The following CACNA2D3 variants were observed in gnomAD, a reference collection of about 807,000 sequenced individuals.
The protein encoded by CACNA2D3 is calcium voltage-gated channel auxiliary subunit alpha2delta 3, also known as voltage-dependent calcium channel subunit alpha-2/delta-3.
CACNA2D3 carries 60 observed loss-of-function variants against 160.6 expected under a neutral mutation model. That is an observed-to-expected ratio of 0.37 (90% CI 0.30 to 0.46). The LOEUF (loss-of-function observed/expected upper bound fraction) is 0.46. Among genes scored for constraint, CACNA2D3 ranks in the 20% least tolerant of loss-of-function variants. The pLI, the probability that CACNA2D3 is intolerant of heterozygous loss-of-function variation, is 1.00. For missense variants in CACNA2D3, 1,205 were observed against 1,365.0 expected, an observed-to-expected ratio of 0.88 and a Z score of 1.85; for synonymous variants, 558 against 492.9, an observed-to-expected ratio of 1.13 and a Z score of -1.75.
In CACNA2D3 at chr3:54,870,816, C is replaced by T. The variant is rs574633007; in HGVS notation, c.1627-723C>T. On this transcript the variant is annotated intron_variant, in intron 17 of 37. Transcript: ENST00000474759. ...AGTACTGCTGTGGCCAGTGTGACAG[C>T]GAATAGATGGTTCTGTGTGTCTGCA... is the stretch of plus-strand genomic sequence containing the variant. 2.0e-5 allele frequency among the ~76,000 whole-genome samples: 3 copies of T among 152,272 alleles called. No individual in the cohort carries two copies. In the East Asian group the frequency reaches 5.8e-4, roughly 29 times the overall value.
intron 3 of CACNA2D3, among the ~76,000 whole-genome samples, chr3:54,362,151 C>T (rs1698754103): frequency 6.6e-6 from 1 of 152,198 alleles, no homozygotes; most frequent in Admixed American, 6.5e-5. Flanking sequence ...ATCTCTAGGT[C>T]AGAGGTCCAG....
intron 35 of CACNA2D3, among the ~76,000 whole-genome samples, chr3:55,024,280 G>A (rs566622864): frequency 6.6e-6 from 1 of 151,476 alleles, no homozygotes; most frequent in South Asian, 2.1e-4. Context: ...TGTTATAGGA[G>A]TTAAAGTGAG....
At chr3:54,652,348 G>A (rs564602777) in intron 11 of CACNA2D3, among the ~76,000 whole-genome samples, 6 of 152,318 alleles carry the variant, frequency 3.9e-5, no homozygotes, top group Non-Finnish European at 7.3e-5. Context: ...GGAGTAGGGG[G>A]CTAAGACACC....
At chr3:54,775,649 T>C (rs1702412026) in intron 13 of CACNA2D3, among the ~76,000 whole-genome samples, 1 of 152,184 alleles carries the variant, frequency 6.6e-6, no homozygotes, top group Admixed American at 6.5e-5. Context: ...GCAGGTTGTG[T>C]CTGTATTCAA....
intron 2 of CACNA2D3, among the ~76,000 whole-genome samples, chr3:54,133,709 C>CTTTTAG (rs1202759720): frequency 6.6e-6 from 1 of 152,178 alleles, no homozygotes; most frequent in African/African-American, 2.4e-5. Flanking sequence ...TTTAGTTGCC[C>CTTTTAG]TTGAGGGTCA....
chr3:54,855,027 G>T (rs12152264), intron 17 of CACNA2D3, among the ~76,000 whole-genome samples: 22,555 of 152,186 alleles, frequency 0.15, 2,254 homozygotes, highest in Non-Finnish European at 0.23. Context: ...TCCTGAAGCT[G>T]TGTCCTCAGG....
At chr3:54,386,848 A>G (rs1699196437) in intron 4 of CACNA2D3, 74 bp downstream of exon 4, 1 of 1,344,488 alleles carries the variant, frequency 7.4e-7, no homozygotes, top group East Asian at 2.5e-5. Context: ...TATACCAGGA[A>G]TACTGATTTT....
chr3:54,562,960 C>T (rs1702351025), intron 6 of CACNA2D3, 29 bp downstream of exon 6: 2 of 1,601,902 alleles, frequency 1.2e-6, no homozygotes, highest in South Asian at 1.1e-5. Context: ...ACAGTTATGA[C>T]TCAGATTAAT....
intron 34 of CACNA2D3, among the ~76,000 whole-genome samples, chr3:55,010,407 TAAATA>T (rs928809144): frequency 2.1e-4 from 32 of 152,164 alleles, no homozygotes; most frequent in African/African-American, 7.0e-4. Flanking sequence ...GGAAAATAAA[TAAATA>T]AAAGAAAGAG....
intron 13 of CACNA2D3, among the ~76,000 whole-genome samples, chr3:54,791,781 CT>C (rs982482307): frequency 6.6e-6 from 1 of 152,138 alleles, no homozygotes; most frequent in Non-Finnish European, 1.5e-5. Context: ...TTCCAGAAGA[CT>C]TTTCAAAAAC....
intron 27 of CACNA2D3, among the ~76,000 whole-genome samples, chr3:54,948,760 A>G: frequency 6.6e-6 from 1 of 152,228 alleles, no homozygotes; most frequent in Non-Finnish European, 1.5e-5. Context: ...TATGTGACAG[A>G]TCTCTATACA....
At chr3:54,866,266 C>T (rs187141977) in intron 17 of CACNA2D3, among the ~76,000 whole-genome samples, 1 of 152,272 alleles carries the variant, frequency 6.6e-6, no homozygotes, top group East Asian at 1.9e-4. Context: ...TGCCCTGTGG[C>T]CATTGGTCCT....
chr3:55,016,854 G>T (rs764918371), intron 34 of CACNA2D3, among the ~76,000 whole-genome samples: 1 of 152,126 alleles, frequency 6.6e-6, no homozygotes, highest in Admixed American at 6.6e-5. Context: ...CTACATATAA[G>T]AAACCGTCAT....
intron 11 of CACNA2D3, among the ~76,000 whole-genome samples, chr3:54,664,416 T>C (rs1700027816): frequency 6.6e-6 from 1 of 152,240 alleles, no homozygotes; most frequent in Admixed American, 6.5e-5. Context: ...TTCAGAAATC[T>C]GTTGAACCCT....
intron 2 of CACNA2D3, among the ~76,000 whole-genome samples, chr3:54,300,732 A>G (rs911856662): frequency 2.6e-5 from 4 of 152,208 alleles, no homozygotes; most frequent in South Asian, 2.1e-4. Flanking sequence ...TAACTTAACC[A>G]TGCTGGGTGT....
chr3:54,263,434 T>G (rs1402798031), intron 2 of CACNA2D3, among the ~76,000 whole-genome samples: 1 of 152,204 alleles, frequency 6.6e-6, no homozygotes, highest in Non-Finnish European at 1.5e-5. Flanking sequence ...TTTACTATGA[T>G]TTTACAGAAG....
chr3:55,067,176 G>A (rs1211705296), intron 35 of CACNA2D3, among the ~76,000 whole-genome samples: 2 of 151,968 alleles, frequency 1.3e-5, no homozygotes, highest in African/African-American at 4.8e-5. Context: ...AAGAAAGAAG[G>A]AAAGTTGGCT....
chr3:54,997,925 T>G (rs1164190165), intron 31 of CACNA2D3, among the ~76,000 whole-genome samples: 1 of 152,116 alleles, frequency 6.6e-6, no homozygotes, highest in Non-Finnish European at 1.5e-5. Context: ...AGATATCCCT[T>G]GGGAATTCAT....
At chr3:54,652,491 C>T (rs2106866344) in intron 11 of CACNA2D3, among the ~76,000 whole-genome samples, 1 of 152,202 alleles carries the variant, frequency 6.6e-6, no homozygotes, top group East Asian at 1.9e-4. Context: ...TGGCAGCTCT[C>T]CTAGACAGGG....
Sources: gnomAD v4.1 joint callset for allele counts (sites outside exome capture counted in the v4.1 genomes callset) on GRCh38, gnomAD v4.1.1 for gene constraint, MANE v1.5 for transcripts, NCBI Gene and HGNC (gene_info 2026-07-23, HGNC 2026-07-21) for gene names.